NTM: variants seen among roughly 807,000 people sequenced by gnomAD.
NTM encodes the protein neurotrimin.
A neutral mutation model predicts 42.1 loss-of-function variants in NTM; 13 were observed. The ratio of observed to expected loss-of-function variants is 0.31; its 90% CI spans 0.20 to 0.49. NTM has a LOEUF of 0.49. Among genes scored for constraint, NTM ranks in the 20% least tolerant of loss-of-function variants. NTM has a pLI of 0.99. For synonymous variants in NTM, 187 were observed against 179.2 expected, an observed-to-expected ratio of 1.04 and a Z score of -0.35; for missense variants, 373 against 452.8, an observed-to-expected ratio of 0.82 and a Z score of 1.60.
At chr11:132,286,777 A>G (rs2094253331) in intron 4 of NTM, among the ~76,000 whole-genome samples, 1 of 152,170 alleles carries the variant, frequency 6.6e-6, no homozygotes, top group East Asian at 1.9e-4. Flanking sequence ...AATCCACCTG[A>G]CCACCATGAC....
chr11:132,319,628 C>G (rs1005432029), intron 7 of NTM, among the ~76,000 whole-genome samples: 3 of 152,234 alleles, frequency 2.0e-5, no homozygotes, highest in African/African-American at 7.2e-5. Context: ...CTGGGAAGCA[C>G]GAACTGGGTG....
At chr11:131,520,143 C>T (rs1388529803) in intron 1 of NTM, among the ~76,000 whole-genome samples, 1 of 152,166 alleles carries the variant, frequency 6.6e-6, no homozygotes, top group Non-Finnish European at 1.5e-5. Context: ...GATAATAAAA[C>T]ATCACATTTC....
At chr11:132,241,712 T>C (rs1044505558) in intron 4 of NTM, among the ~76,000 whole-genome samples, 1 of 152,222 alleles carries the variant, frequency 6.6e-6, no homozygotes, top group African/African-American at 2.4e-5. Context: ...GATGTAAAAC[T>C]TCTGGGGTCT....
Position 132,317,812 on chromosome 11 carries a change from A to AT in NTM, c.934+3111dup, listed in dbSNP as rs552678981. 22 of 475,676 alleles carry AT rather than the reference A, an allele frequency of 4.6e-5. 1 individual carries two copies. Among genetic ancestry groups the AT allele is most frequent in the South Asian group, 4.1e-4 (21 of 51,614 alleles). The allele number at this position is 475,676 out of a possible 1,614,324, so 29.5% of individuals were successfully genotyped here. A position where few individuals can be genotyped will look rare whatever the true frequency, so the allele number is the denominator to read the frequency against. ...AGTGTCTTAGAGGATGTGGAAGGCT[A>AT]TTGAAGGAGGTGATTGATTGGGAGC... On this transcript the variant is annotated intron_variant, in intron 7 of 8. Coordinates refer to ENST00000683400, the MANE Select transcript of NTM (RefSeq NM_001352005.2).
intron 1 of NTM, among the ~76,000 whole-genome samples, chr11:131,394,670 TAAG>T (rs976530683): frequency 3.9e-5 from 6 of 152,296 alleles, no homozygotes; most frequent in Non-Finnish European, 7.3e-5. Context: ...GAAGGCTATC[TAAG>T]AAGAAGAGCC....
chr11:131,398,333 A>G (rs1944775206), intron 1 of NTM, among the ~76,000 whole-genome samples: 1 of 152,190 alleles, frequency 6.6e-6, no homozygotes, highest in African/African-American at 2.4e-5. Context: ...ATTAAATATA[A>G]TTTGGAAACC....
At chr11:132,250,675 A>T in intron 4 of NTM, among the ~76,000 whole-genome samples, 1 of 150,182 alleles carries the variant, frequency 6.7e-6, no homozygotes, top group African/African-American at 2.4e-5. Context: ...ACACCTTTAC[A>T]CCAGTATTTT....
Position 132,071,915 on chromosome 11 carries a change from G to A in NTM, c.168-74367G>A, listed in dbSNP as rs370258542. On this transcript the variant is annotated intron_variant, in intron 2 of 8. Coordinates refer to ENST00000683400, the MANE Select transcript of NTM (RefSeq NM_001352005.2). ...CGGTGGATCTAATAAAATCTTCTGT[G>A]CTCGTAACTCACACCTACCTGGATA... 2.2e-4 allele frequency among the ~76,000 whole-genome samples: 33 copies of A among 152,214 alleles called. No individual in the cohort carries two copies. The East Asian group carries it at 3.5e-3, about 16-fold the overall frequency.
At chr11:131,804,295 G>T (rs1235922817) in intron 1 of NTM, among the ~76,000 whole-genome samples, 1 of 152,028 alleles carries the variant, frequency 6.6e-6, no homozygotes. Flanking sequence ...CCTTATTTTT[G>T]CCAGGTAAGT....
At chr11:131,604,175 C>T (rs530453748) in intron 1 of NTM, among the ~76,000 whole-genome samples, 1 of 152,292 alleles carries the variant, frequency 6.6e-6, no homozygotes, top group East Asian at 1.9e-4. Context: ...TCTTCGAATC[C>T]TCCTCAATCC....
At chr11:131,823,768 C>A (rs979276295) in intron 1 of NTM, among the ~76,000 whole-genome samples, 1 of 152,148 alleles carries the variant, frequency 6.6e-6, no homozygotes, top group Non-Finnish European at 1.5e-5. Context: ...TGGGTTAGAG[C>A]AGTAATTGTG....
intron 2 of NTM, among the ~76,000 whole-genome samples, chr11:132,041,187 GTT>G (rs2077130697): frequency 7.0e-6 from 1 of 142,958 alleles, no homozygotes; most frequent in Non-Finnish European, 1.5e-5. Context: ...CTGCCTTTTT[GTT>G]TGTGTGTGGG....
chr11:131,660,244 C>G (rs918539898), intron 1 of NTM: 8 of 340,486 alleles, frequency 2.3e-5, no homozygotes, highest in African/African-American at 1.7e-4. Flanking sequence ...ATGACCCATT[C>G]AGGTGGTTGT....
intron 1 of NTM, among the ~76,000 whole-genome samples, chr11:131,822,890 G>A (rs1035483695): frequency 1.3e-5 from 2 of 152,184 alleles, no homozygotes; most frequent in African/African-American, 4.8e-5. Context: ...TTGTTTTTGT[G>A]AATATGCTCA....
chr11:131,414,317 AG>A (rs1946727352), intron 1 of NTM, among the ~76,000 whole-genome samples: 1 of 152,168 alleles, frequency 6.6e-6, no homozygotes, highest in African/African-American at 2.4e-5. Flanking sequence ...TTCCCTCTCC[AG>A]GACTGAGTGG....
At chr11:131,651,667 CT>C (rs1415357711) in intron 1 of NTM, among the ~76,000 whole-genome samples, 2 of 152,034 alleles carry the variant, frequency 1.3e-5, no homozygotes, top group African/African-American at 4.8e-5. Context: ...TGGTGAAACC[CT>C]GTTTTTTACT....
chr11:131,842,070 A>T (rs1354579682), intron 1 of NTM, among the ~76,000 whole-genome samples: 1 of 152,208 alleles, frequency 6.6e-6, no homozygotes, highest in African/African-American at 2.4e-5. Context: ...CTTGCACCAC[A>T]TGAGCGAGCA....
chr11:131,846,103 C>G (rs925547894), intron 1 of NTM, among the ~76,000 whole-genome samples: 1 of 151,942 alleles, frequency 6.6e-6, no homozygotes, highest in African/African-American at 2.4e-5. Context: ...TTTGATTTTC[C>G]GTGCTTTAAT....
chr11:131,741,162 T>TGAGAGAGAGA lies in NTM; in HGVS notation c.83-170365_83-170356dup, dbSNP rs71067330. Reference sequence around the variant, plus strand: ...CCTGGGCAACAGAGCAAGACCCCGTTGAGAGAGAGAGAGAGAGAGAGAGAG... The same window carrying TGAGAGAGAGA: ...CCTGGGCAACAGAGCAAGACCCCGTTGAGAGAGAGAGAGAGAGAGAGAGAGAGAGAGAGAG... On this transcript the variant is annotated intron_variant, in intron 1 of 8. Transcript: ENST00000683400. Among the ~76,000 whole-genome samples the TGAGAGAGAGA allele has an allele frequency of 2.7e-3, 350 of 129,808 alleles. 3 individuals are homozygous for TGAGAGAGAGA. The highest frequency in any genetic ancestry group is 8.6e-3 in the African/African-American group (283 of 33,030). 85.2% of individuals were successfully genotyped at this position (129,808 alleles called of 152,430 possible). A position where few individuals can be genotyped will look rare whatever the true frequency, so the allele number is the denominator to read the frequency against.
Sources: gnomAD v4.1 joint callset for allele counts (sites outside exome capture counted in the v4.1 genomes callset) on GRCh38, gnomAD v4.1.1 for gene constraint, MANE v1.5 for transcripts, NCBI Gene and HGNC (gene_info 2026-07-23, HGNC 2026-07-21) for gene names.